The following ARHGAP18 variants were observed in gnomAD, a reference collection of about 807,000 sequenced individuals.
The protein encoded by ARHGAP18 is rho GTPase-activating protein 18.
In ARHGAP18, 67 loss-of-function variants were observed where a neutral mutation model predicts 86.2. The ratio of observed to expected loss-of-function variants is 0.78; its 90% CI spans 0.64 to 0.95. The LOEUF (loss-of-function observed/expected upper bound fraction) is 0.95. ARHGAP18 is among the 40% of genes least tolerant of loss of function. ARHGAP18 has a pLI of 0.00. For synonymous variants in ARHGAP18, 283 were observed against 280.4 expected (o/e 1.01, Z -0.09); for missense variants, 691 against 780.4 (o/e 0.89, Z 1.37).
rs1261523768 is a variant in ARHGAP18, at chr6:129,576,226, A to C, written c.*2287T>G. 2.0e-5 allele frequency: 3 copies of C among 152,338 alleles called. No individual in the cohort carries two copies. The highest frequency in any genetic ancestry group is 2.1e-4 in the South Asian group (1 of 4,826). 9.4% of individuals were successfully genotyped at this position (152,338 alleles called of 1,614,324 possible). ...CTAGCCTGAGATTTAAAACTCACTA[A>C]GGAAAAAAAATCACAGCAAAAGCAG... On this transcript the variant is annotated 3_prime_UTR_variant, in exon 15 of 15. Coordinates refer to ENST00000368149, the MANE Select transcript of ARHGAP18 (RefSeq NM_033515.3).
Position 129,634,023 on chromosome 6 carries a change from G to T in ARHGAP18, c.616+19C>A. On this transcript the variant is annotated intron_variant, in intron 4 of 14. Transcript: ENST00000368149. The stretch of plus-strand genomic sequence containing the variant: ...AAAGGGCGGAAAAAAAAAAAAACAA[G>T]AGAACAGGTTCAACATACCATCTCT... The T allele has an allele frequency of 3.9e-6, 6 of 1,536,168 alleles. No individual in the cohort carries two copies. Among genetic ancestry groups the T allele is most frequent in the Admixed American group, 2.0e-5 (1 of 50,430 alleles).
intron 12 of ARHGAP18, among the ~76,000 whole-genome samples, chr6:129,590,504 T>C (rs1265282954): frequency 1.3e-5 from 2 of 152,162 alleles, no homozygotes; most frequent in Admixed American, 6.5e-5. Flanking sequence ...TTTGCCAAGA[T>C]GGGAAGCAGC....
chr6:129,583,050 T>C (rs1788320736), intron 13 of ARHGAP18, among the ~76,000 whole-genome samples: 2 of 152,222 alleles, frequency 1.3e-5, no homozygotes, highest in African/African-American at 4.8e-5. Flanking sequence ...ACTAGAAGTA[T>C]TTAACATGTT....
chr6:129,705,013 C>T, intron 1 of ARHGAP18, among the ~76,000 whole-genome samples: 1 of 152,158 alleles, frequency 6.6e-6, no homozygotes, highest in Non-Finnish European at 1.5e-5. Flanking sequence ...CACTATCTGC[C>T]TTAAAAACTC....
chr6:129,663,076 C>T, intron 1 of ARHGAP18, among the ~76,000 whole-genome samples: 1 of 152,182 alleles, frequency 6.6e-6, no homozygotes, highest in East Asian at 1.9e-4. Context: ...AGAAAATCAA[C>T]ATCGCCAGGA....
intron 1 of ARHGAP18, among the ~76,000 whole-genome samples, chr6:129,684,975 C>T (rs1774401088): frequency 6.6e-6 from 1 of 152,198 alleles, no homozygotes; most frequent in South Asian, 2.1e-4. Flanking sequence ...CTGGGCAAAT[C>T]CAATATGCAA....
chr6:129,682,662 A>G (rs938110630), intron 1 of ARHGAP18, among the ~76,000 whole-genome samples: 1 of 152,262 alleles, frequency 6.6e-6, no homozygotes, highest in Non-Finnish European at 1.5e-5. Context: ...TCACATAATT[A>G]GCAAACATTT....
intron 1 of ARHGAP18, among the ~76,000 whole-genome samples, chr6:129,709,225 C>G (rs1338501925): frequency 6.6e-6 from 1 of 151,718 alleles, no homozygotes; most frequent in Non-Finnish European, 1.5e-5. Flanking sequence ...CCAATATTTA[C>G]TATTTATATC....
chr6:129,605,074 CCA>C (rs940276469), intron 10 of ARHGAP18, among the ~76,000 whole-genome samples: 5 of 151,804 alleles, frequency 3.3e-5, no homozygotes, highest in Non-Finnish European at 5.9e-5. Context: ...AGCCCTTTAC[CCA>C]TATAAAAAAT....
At chr6:129,700,013 G>T (rs770312517) in intron 1 of ARHGAP18, among the ~76,000 whole-genome samples, 3 of 152,132 alleles carry the variant, frequency 2.0e-5, no homozygotes, top group Non-Finnish European at 2.9e-5. Context: ...AGGAGATGGG[G>T]CACAGAGCTT....
At chr6:129,689,868 T>TC (rs1774494116) in intron 1 of ARHGAP18, among the ~76,000 whole-genome samples, 1 of 152,150 alleles carries the variant, frequency 6.6e-6, no homozygotes, top group South Asian at 2.1e-4. Context: ...TTTGTGTACC[T>TC]CCCACACTCC....
chr6:129,625,701 T>A lies in ARHGAP18; in HGVS notation c.786+3652A>T, dbSNP rs1156898003. Among the ~76,000 whole-genome samples, 15 of 57,712 alleles carry A rather than the reference T, an allele frequency of 2.6e-4. 1 individual carries two copies. Among genetic ancestry groups the A allele is most frequent in the Middle Eastern group, 0.02 (1 of 50 alleles). The allele number at this position is 57,712 out of a possible 152,430, so 37.9% of individuals were successfully genotyped here. A position where few individuals can be genotyped will look rare whatever the true frequency, so the allele number is the denominator to read the frequency against. On this transcript the variant is annotated intron_variant, in intron 5 of 14. Transcript: ENST00000368149. ...TATATATATTTATATATTATATATT[T>A]ATATATTATATATTTATATATTATA...
chr6:129,692,313 C>T (rs1334175558), intron 1 of ARHGAP18, among the ~76,000 whole-genome samples: 1 of 152,174 alleles, frequency 6.6e-6, no homozygotes, highest in Non-Finnish European at 1.5e-5. Flanking sequence ...CCTGAGCAGA[C>T]CCTTTTCTCA....
Position 129,580,112 on chromosome 6 carries a change from T to C in ARHGAP18, c.1858A>G (p.Lys620Glu). 6.2e-7 allele frequency: 1 copy of C among 1,613,798 alleles called. No individual in the cohort carries two copies. Among genetic ancestry groups the C allele is most frequent in the Non-Finnish European group, 8.5e-7 (1 of 1,179,808 alleles). The change falls in exon 14 of 15, where the codon AAG becomes GAG. Residue 620 changes from lysine to glutamate, a missense_variant. By Grantham distance (56) the Lys-to-Glu change is moderately conservative. Transcript: ENST00000368149. ...TCATACAAAAAAACTTCTCCTTTCT[T>C]GAGAGTCTGGGCAACCCCACTATGA... ...SQESGVAQTL[K>E]KGEVFLYEIG...
In ARHGAP18 at chr6:129,605,916, A is replaced by G; in HGVS notation, c.1326T>C (p.Leu442=). The G allele has an allele frequency of 6.2e-7, 1 of 1,613,648 alleles. No individual in the cohort carries two copies. Among genetic ancestry groups the G allele is most frequent in the Non-Finnish European group, 8.5e-7 (1 of 1,179,624 alleles). ...KKQQLQALNL[L]VILLPDANRD... Reference sequence around the variant, plus strand: ...TGTTTGCATCAGGTAGGAGGATGACAAGAAGGTTCAAAGCCTGTAGTTGCT... The same window carrying G: ...TGTTTGCATCAGGTAGGAGGATGACGAGAAGGTTCAAAGCCTGTAGTTGCT... The change falls in exon 10 of 15, where the codon CTT becomes CTC. Residue 442 remains leucine (L), a synonymous_variant. Coordinates refer to ENST00000368149, the MANE Select transcript of ARHGAP18 (RefSeq NM_033515.3).
chr6:129,644,074 C>T (rs1240880176), intron 1 of ARHGAP18, among the ~76,000 whole-genome samples: 2 of 152,182 alleles, frequency 1.3e-5, no homozygotes, highest in African/African-American at 4.8e-5. Context: ...TACTCTCTCC[C>T]CAGTAGCAAC....
Position 129,600,953 on chromosome 6 carries a change from A to G in ARHGAP18, c.1366-105T>C, listed in dbSNP as rs1229612213. 3.1e-6 allele frequency: 3 copies of G among 957,210 alleles called. No individual in the cohort carries two copies. The Admixed American group carries it at 7.6e-5, about 24-fold the overall frequency. 59.3% of individuals were successfully genotyped at this position (957,210 alleles called of 1,614,324 possible). ...ATTTCATTGAAAAAACAAGTTGTGTATAAGCACAGTCAACTAATCACATCC... is the reference window on the plus strand; with the variant it reads ...ATTTCATTGAAAAAACAAGTTGTGTGTAAGCACAGTCAACTAATCACATCC... On this transcript the variant is annotated intron_variant, in intron 10 of 14. Transcript: ENST00000368149.
intron 4 of ARHGAP18, 37 bp downstream of exon 4, chr6:129,634,005 G>GT (rs1773274601): frequency 1.3e-6 from 2 of 1,497,798 alleles, no homozygotes; most frequent in Admixed American, 2.1e-5. Flanking sequence ...ATTAAAGGGC[G>GT]GAAAAAAAAA....
intron 12 of ARHGAP18, among the ~76,000 whole-genome samples, chr6:129,592,103 T>A (rs1788528307): frequency 6.6e-6 from 1 of 152,210 alleles, no homozygotes; most frequent in Non-Finnish European, 1.5e-5. Flanking sequence ...TTCTAATATT[T>A]TTTTTTAATG....
Sources: gnomAD v4.1 joint callset for allele counts (sites outside exome capture counted in the v4.1 genomes callset) on GRCh38, gnomAD v4.1.1 for gene constraint, MANE v1.5 for transcripts, NCBI Gene and HGNC (gene_info 2026-07-23, HGNC 2026-07-21) for gene names.